Variants in SLC39A11 observed in about 807,000 individuals in gnomAD.
SLC39A11 encodes the protein solute carrier family 39 member 11.
SLC39A11 carries 33 observed loss-of-function variants against 36.1 expected under a neutral mutation model. The ratio of observed to expected loss-of-function variants is 0.91; its 90% CI spans 0.69 to 1.22. The LOEUF is 1.22. SLC39A11 is among the 50% of genes most tolerant of loss of function. The probability of loss-of-function intolerance (pLI) is 0.00; values close to 1 mark genes in which losing one functional copy is unlikely to be tolerated. For missense variants in SLC39A11, 432 were observed against 430.3 expected, an observed-to-expected ratio of 1.00 and a Z score of -0.03; for synonymous variants, 166 against 170.3, an observed-to-expected ratio of 0.97 and a Z score of 0.20.
chr17:73,091,075 T>C (rs923009998), intron 1 of SLC39A11, among the ~76,000 whole-genome samples: 1 of 152,200 alleles, frequency 6.6e-6, no homozygotes, highest in Non-Finnish European at 1.5e-5. Context: ...GTCTGCATTT[T>C]GTGGAATTCC....
At chr17:72,929,345 C>T (rs2084245209) in intron 5 of SLC39A11, among the ~76,000 whole-genome samples, 4 of 152,142 alleles carry the variant, frequency 2.6e-5, no homozygotes, top group African/African-American at 7.2e-5. Context: ...ACATGGCTAC[C>T]CCATAAAGAA....
chr17:72,942,659 T>C (rs1014087888), intron 5 of SLC39A11, among the ~76,000 whole-genome samples: 7 of 152,178 alleles, frequency 4.6e-5, no homozygotes, highest in Non-Finnish European at 7.3e-5. Flanking sequence ...ATAGGAACCA[T>C]GAAGCTGTTT....
chr17:72,860,956 T>C (rs2079946080), intron 5 of SLC39A11, among the ~76,000 whole-genome samples: 1 of 151,992 alleles, frequency 6.6e-6, no homozygotes, highest in Non-Finnish European at 1.5e-5. Context: ...TTGTGGAGAG[T>C]GGATGAGAGT....
intron 1 of SLC39A11, among the ~76,000 whole-genome samples, chr17:73,090,594 G>A (rs2060892389): frequency 6.6e-6 from 1 of 152,146 alleles, no homozygotes; most frequent in South Asian, 2.1e-4. Context: ...CATCCTCTTA[G>A]TACTTATCAT....
At chr17:72,940,408 T>C (rs1484742104) in intron 5 of SLC39A11, among the ~76,000 whole-genome samples, 1 of 152,162 alleles carries the variant, frequency 6.6e-6, no homozygotes, top group Non-Finnish European at 1.5e-5. Flanking sequence ...CCCACGTAGC[T>C]GGGATTACAG....
chr17:72,741,854 A>G (rs2074719697), intron 6 of SLC39A11, among the ~76,000 whole-genome samples: 1 of 151,864 alleles, frequency 6.6e-6, no homozygotes. Flanking sequence ...TCCATGTTCA[A>G]TATTTTAAGG....
At chr17:72,719,521 C>A (rs1389514849) in intron 7 of SLC39A11, among the ~76,000 whole-genome samples, 2 of 152,208 alleles carry the variant, frequency 1.3e-5, no homozygotes, top group African/African-American at 4.8e-5. Flanking sequence ...AGTGGCCTGA[C>A]CTTCCTCAGC....
rs534421852 is a variant in SLC39A11, at chr17:72,949,808, A to G, written c.307-1933T>C. 2.0e-5 allele frequency among the ~76,000 whole-genome samples: 3 copies of G among 152,198 alleles called. No individual in the cohort carries two copies. The South Asian group carries it at 6.2e-4, about 32-fold the overall frequency. ...ACAAACACAAGTTTTCATTTAAAACATGTGTCTCTAATGCGGGAGAGGAGA... is the reference window on the plus strand; with the variant it reads ...ACAAACACAAGTTTTCATTTAAAACGTGTGTCTCTAATGCGGGAGAGGAGA... On this transcript the variant is annotated intron_variant, in intron 4 of 9. Transcript: ENST00000255559.
At chr17:72,728,754 C>T (rs990523933) in intron 7 of SLC39A11, among the ~76,000 whole-genome samples, 17 of 152,132 alleles carry the variant, frequency 1.1e-4, no homozygotes, top group African/African-American at 4.1e-4. Context: ...TGCACGTGTA[C>T]CCTGGGCCTG....
At chr17:72,955,395 C>T (rs896243825) in intron 4 of SLC39A11, among the ~76,000 whole-genome samples, 3 of 138,066 alleles carry the variant, frequency 2.2e-5, no homozygotes, top group Admixed American at 1.7e-4. Flanking sequence ...CTCTGTCTCA[C>T]GGGTTCAAGC....
At position 72,734,182 on chromosome 17, in the gene SLC39A11, T is replaced by C. The variant is rs143485778; in HGVS notation, c.671+2468A>G. On this transcript the variant is annotated intron_variant, in intron 7 of 9. Transcript: ENST00000255559. Reference sequence around the variant, plus strand: ...ACTAAAGGCAGAGAAAGCTAACAAGTCTTGGCCCAGGGGCTGTTCTACATC... The same window carrying C: ...ACTAAAGGCAGAGAAAGCTAACAAGCCTTGGCCCAGGGGCTGTTCTACATC... Among the ~76,000 whole-genome samples, 992 of 152,186 alleles carry C rather than the reference T, an allele frequency of 6.5e-3. 9 individuals are homozygous for C. Among genetic ancestry groups the C allele is most frequent in the African/African-American group, 0.021 (878 of 41,534 alleles).
rs949404873 is a variant in SLC39A11, at chr17:72,740,671, G to A, written c.602-3952C>T. 7.2e-5 allele frequency among the ~76,000 whole-genome samples: 11 copies of A among 152,310 alleles called. No homozygotes were observed. In the South Asian group the frequency reaches 1.9e-3, roughly 26 times the overall value. Reference sequence around the variant, plus strand: ...TTGCACTAAACATGACGAAAACTACGTAAGAACTGAGAGAGATCACTTTTT... The same window carrying A: ...TTGCACTAAACATGACGAAAACTACATAAGAACTGAGAGAGATCACTTTTT... On this transcript the variant is annotated intron_variant, in intron 6 of 9. Transcript: ENST00000255559.
At chr17:72,772,689 C>T (rs2075990442) in intron 6 of SLC39A11, among the ~76,000 whole-genome samples, 1 of 152,156 alleles carries the variant, frequency 6.6e-6, no homozygotes. Context: ...GGCTCAAACA[C>T]AGCAGATGTG....
chr17:72,902,350 G>C (rs1567917706), intron 5 of SLC39A11, among the ~76,000 whole-genome samples: 1 of 151,998 alleles, frequency 6.6e-6, no homozygotes, highest in African/African-American at 2.4e-5. Flanking sequence ...AGCAGAGACT[G>C]GAGTGATGCG....
rs546164339 is a variant in SLC39A11 at position 72,652,956 on chromosome 17, C to T, written c.672-3688G>A. ...CTAGGCTGGCACATATAGAAGAATT[C>T]CTTCTATCACCTCCAGACCCCCCTG... On this transcript the variant is annotated intron_variant, in intron 7 of 9. Transcript: ENST00000255559. Among the ~76,000 whole-genome samples the T allele has an allele frequency of 2.6e-5, 4 of 152,184 alleles. No individual in the cohort carries two copies. The South Asian group carries it at 6.2e-4, about 24-fold the overall frequency.
intron 4 of SLC39A11, among the ~76,000 whole-genome samples, chr17:72,968,062 C>T (rs896060408): frequency 6.6e-6 from 1 of 152,048 alleles, no homozygotes; most frequent in Non-Finnish European, 1.5e-5. Context: ...CATCCTGCAT[C>T]CCGGCCTGGG....
chr17:73,073,008 C>T (rs2060210285), intron 3 of SLC39A11, among the ~76,000 whole-genome samples: 1 of 152,102 alleles, frequency 6.6e-6, no homozygotes, highest in Admixed American at 6.6e-5. Context: ...GGTGAAACTC[C>T]ATCTCTACTA....
At chr17:72,882,512 A>G (rs2081246180) in intron 5 of SLC39A11, among the ~76,000 whole-genome samples, 1 of 152,210 alleles carries the variant, frequency 6.6e-6, no homozygotes, top group Non-Finnish European at 1.5e-5. Flanking sequence ...ATCACAGAAC[A>G]TTGTTAACTT....
intron 4 of SLC39A11, among the ~76,000 whole-genome samples, chr17:73,004,232 A>AAAGAAAGG: frequency 4.5e-5 from 4 of 88,686 alleles, no homozygotes; most frequent in Non-Finnish European, 4.9e-5. Flanking sequence ...AGAAAGAAAG[A>AAAGAAAGG]AAAGAAAGAA....
Sources: allele counts gnomAD v4.1 joint callset (sites outside exome capture counted in the v4.1 genomes callset), GRCh38; gene constraint gnomAD v4.1.1; transcripts MANE v1.5; gene names NCBI Gene and HGNC (gene_info 2026-07-23, HGNC 2026-07-21).